The following GSE1 variants were observed in gnomAD, a reference collection of about 807,000 sequenced individuals.
GSE1 encodes the protein Gse1 coiled-coil protein.
In GSE1, 32 loss-of-function variants were observed where a neutral mutation model predicts 112.6. The observed-to-expected ratio is 0.28, with a 90% CI of 0.21 to 0.38. The LOEUF (loss-of-function observed/expected upper bound fraction) is 0.38. Among genes scored for constraint, GSE1 ranks in the 10% least tolerant of loss-of-function variants. The pLI, the probability that GSE1 is intolerant of heterozygous loss-of-function variation, is 1.00. For synonymous variants in GSE1, 1,115 were observed against 735.6 expected, an observed-to-expected ratio of 1.52 and a Z score of -8.35; for missense variants, 2,348 against 1,699.2, an observed-to-expected ratio of 1.38 and a Z score of -6.71.
At chr16:85,255,796 C>T (rs559713262) in intron 1 of GSE1, among the ~76,000 whole-genome samples, 1 of 152,196 alleles carries the variant, frequency 6.6e-6, no homozygotes, top group South Asian at 2.1e-4. Context: ...TCAAGCCATC[C>T]TCCCACTTCA....
At chr16:85,305,947 G>A (rs1029546459) in intron 1 of GSE1, among the ~76,000 whole-genome samples, 5 of 152,074 alleles carry the variant, frequency 3.3e-5, no homozygotes, top group African/African-American at 1.2e-4. Context: ...AAAATTAGCC[G>A]GATGGTAGTG....
chr16:85,560,841 A>G (rs987365996), intron 1 of GSE1, among the ~76,000 whole-genome samples: 3 of 152,006 alleles, frequency 2.0e-5, no homozygotes, highest in Non-Finnish European at 4.4e-5. Flanking sequence ...TAATAATAAT[A>G]ACGAGGACTG....
At chr16:85,555,926 C>T (rs1305922312), upstream of GSE1, 1 of 970,990 alleles carries the variant, frequency 1.0e-6, no homozygotes, top group African/African-American at 1.8e-5. Context: ...CTCTTCCCCG[C>T]CTGCTTCCCT....
intron 3 of GSE1, 91 bp from the exon 4 acceptor site, chr16:85,654,187 C>A: frequency 1.7e-6 from 2 of 1,168,244 alleles, no homozygotes; most frequent in Non-Finnish European, 2.4e-6. Context: ...CTAAATCTAG[C>A]GCCTTCCCGT....
intron 1 of GSE1, among the ~76,000 whole-genome samples, chr16:85,627,341 A>G (rs1025835098): frequency 2.0e-5 from 3 of 151,700 alleles, no homozygotes; most frequent in African/African-American, 7.3e-5. Flanking sequence ...TGCCAGGCAG[A>G]CTGTCTAGAC....
chr16:85,562,127 A>G (rs1388641041), intron 1 of GSE1, among the ~76,000 whole-genome samples: 1 of 152,220 alleles, frequency 6.6e-6, no homozygotes, highest in Non-Finnish European at 1.5e-5. Flanking sequence ...AAAGGAAAAC[A>G]TGGCTATTTT....
chr16:85,646,735 T>C (rs755130937), intron 2 of GSE1, among the ~76,000 whole-genome samples: 7 of 151,988 alleles, frequency 4.6e-5, no homozygotes, highest in Admixed American at 6.6e-5. Flanking sequence ...GGGGTGTGAG[T>C]GTGCAGCCGT....
At chr16:85,612,445 G>C (rs1266614079), upstream of GSE1, among the ~76,000 whole-genome samples, 3 of 152,126 alleles carry the variant, frequency 2.0e-5, no homozygotes, top group African/African-American at 7.2e-5. Flanking sequence ...AATGGGTCGT[G>C]CCAGTTTCTG....
intron 2 of GSE1, among the ~76,000 whole-genome samples, chr16:85,479,809 G>A (rs965587924): frequency 1.3e-5 from 2 of 152,168 alleles, no homozygotes; most frequent in Non-Finnish European, 2.9e-5. Context: ...CTTCACAGAA[G>A]CCCAAGCAGC....
At chr16:85,225,581 T>C (rs1007616936) in intron 1 of GSE1, among the ~76,000 whole-genome samples, 1 of 152,168 alleles carries the variant, frequency 6.6e-6, no homozygotes, top group Non-Finnish European at 1.5e-5. Context: ...AGAGAGCTGC[T>C]GCAGGGGCTG....
At chr16:85,423,157 CT>C (rs1262655363) in intron 2 of GSE1, among the ~76,000 whole-genome samples, 1 of 152,238 alleles carries the variant, frequency 6.6e-6, no homozygotes, top group Non-Finnish European at 1.5e-5. Context: ...TGAGCGAAAC[CT>C]TCTCTGCTCA....
At chr16:85,665,179 T>TG (rs781760073) in intron 12 of GSE1, 51 bp downstream of exon 12, 14 of 1,128,480 alleles carry the variant, frequency 1.2e-5, no homozygotes, top group Non-Finnish European at 1.9e-5. Context: ...TCCCATGGGC[T>TG]GCCCAGGCTC....
intron 2 of GSE1, among the ~76,000 whole-genome samples, chr16:85,465,053 G>T (rs1250641230): frequency 1.3e-5 from 2 of 152,216 alleles, no homozygotes; most frequent in South Asian, 2.1e-4. Flanking sequence ...GCTGGTGGGA[G>T]CCTGGGCAGT....
At chr16:85,361,131 A>ACCC (rs1555569965) in intron 2 of GSE1, among the ~76,000 whole-genome samples, 1 of 115,418 alleles carries the variant, frequency 8.7e-6, no homozygotes. Flanking sequence ...ACAGGCACAG[A>ACCC]CCCCCCCCAC....
intron 1 of GSE1, among the ~76,000 whole-genome samples, chr16:85,219,883 T>C (rs2075363122): frequency 6.6e-6 from 1 of 152,202 alleles, no homozygotes; most frequent in African/African-American, 2.4e-5. Flanking sequence ...GAAGGCAGGC[T>C]CTCCTGGTCT....
intron 2 of GSE1, among the ~76,000 whole-genome samples, chr16:85,517,048 C>T (rs62048391): frequency 1.3e-5 from 2 of 152,200 alleles, no homozygotes; most frequent in African/African-American, 4.8e-5. Context: ...CCAGCCATCT[C>T]GGCCTCCCAA....
intron 2 of GSE1, among the ~76,000 whole-genome samples, chr16:85,647,144 G>T (rs187576702): frequency 4.7e-4 from 71 of 152,268 alleles, no homozygotes; most frequent in South Asian, 3.7e-3. Context: ...AACCCCTGCC[G>T]CACCTGCAGA....
At chr16:85,209,870 T>C (rs1447093105) in intron 1 of GSE1, among the ~76,000 whole-genome samples, 1 of 152,180 alleles carries the variant, frequency 6.6e-6, no homozygotes, top group Non-Finnish European at 1.5e-5. Flanking sequence ...GACCAGTTGG[T>C]GACCTAAAGC....
At chr16:85,614,698 C>G (rs1228933896) in intron 1 of GSE1, among the ~76,000 whole-genome samples, 1 of 152,188 alleles carries the variant, frequency 6.6e-6, no homozygotes, top group African/African-American at 2.4e-5. Context: ...GGAGTTGAGT[C>G]GGTTTGGCTC....
Sources: allele counts gnomAD v4.1 joint callset (sites outside exome capture counted in the v4.1 genomes callset), GRCh38; gene constraint gnomAD v4.1.1; transcripts MANE v1.5; gene names NCBI Gene and HGNC (gene_info 2026-07-23, HGNC 2026-07-21).